The following KPNA7 variants were observed in gnomAD, a reference collection of about 807,000 sequenced individuals.
The protein encoded by KPNA7 is importin subunit alpha-8.
A neutral mutation model predicts 53.7 loss-of-function variants in KPNA7; 54 were observed. The ratio of observed to expected loss-of-function variants is 1.01; its 90% CI spans 0.81 to 1.26. KPNA7 has a LOEUF of 1.26. Ranked by LOEUF, KPNA7 falls within the 50% of genes most tolerant of loss-of-function variation. The pLI is 0.00. For missense variants in KPNA7, 640 were observed against 644.5 expected (o/e 0.99, Z 0.07); for synonymous variants, 276 against 259.3 (o/e 1.06, Z -0.62).
chr7:99,187,293 C>CA (rs926466449), intron 7 of KPNA7, among the ~76,000 whole-genome samples: 26 of 151,280 alleles, frequency 1.7e-4, no homozygotes, highest in African/African-American at 5.3e-4. Flanking sequence ...GTCTCACACA[C>CA]AAAAAAAATA....
chr7:99,161,185 G>T, the KPNA7 span, among the ~76,000 whole-genome samples: 1 of 149,530 alleles, frequency 6.7e-6, no homozygotes, highest in Non-Finnish European at 1.5e-5. Flanking sequence ...AAGGACCATG[G>T]CTTCTGTCTT....
upstream of KPNA7, among the ~76,000 whole-genome samples, chr7:99,208,704 T>C (rs1363075157): frequency 6.6e-6 from 1 of 152,136 alleles, no homozygotes; most frequent in Non-Finnish European, 1.5e-5. Context: ...GAAGTCAGCT[T>C]CTATAAGCAT....
At chr7:99,174,579 T>C (rs1798834062) in intron 10 of KPNA7, among the ~76,000 whole-genome samples, 1 of 152,168 alleles carries the variant, frequency 6.6e-6, no homozygotes, top group Non-Finnish European at 1.5e-5. Context: ...CATTCTACTT[T>C]GTCTCTACAG....
chr7:99,200,320 G>A (rs1032002106), intron 3 of KPNA7, among the ~76,000 whole-genome samples: 2 of 152,142 alleles, frequency 1.3e-5, no homozygotes, highest in African/African-American at 2.4e-5. Context: ...TTACAGGCAT[G>A]AGCCACCATG....
the KPNA7 span, among the ~76,000 whole-genome samples, chr7:99,160,110 C>T: frequency 5.5e-5 from 8 of 146,076 alleles, no homozygotes; most frequent in Non-Finnish European, 1.0e-4. Flanking sequence ...CTGCAAGCTC[C>T]GCCTCCCAGG....
chr7:99,217,759 T>C (rs1371226272), intron 1 of KPNA7, among the ~76,000 whole-genome samples: 1 of 148,876 alleles, frequency 6.7e-6, no homozygotes, highest in Non-Finnish European at 1.5e-5. Context: ...GCCTCCCAAA[T>C]AGCTGGGATT....
intron 8 of KPNA7, among the ~76,000 whole-genome samples, chr7:99,184,145 GC>G (rs1352259209): frequency 7.5e-6 from 1 of 133,352 alleles, no homozygotes; most frequent in Non-Finnish European, 1.5e-5. Context: ...CACTGTGCCT[GC>G]CCACAACCTT....
At chr7:99,183,703 T>TC (rs1789410801) in intron 8 of KPNA7, among the ~76,000 whole-genome samples, 1 of 151,910 alleles carries the variant, frequency 6.6e-6, no homozygotes, top group Admixed American at 6.6e-5. Flanking sequence ...TCCACCTGCC[T>TC]CCCCACCCCC....
chr7:99,210,096 T>A (rs1210170384), upstream of KPNA7, among the ~76,000 whole-genome samples: 1 of 152,180 alleles, frequency 6.6e-6, no homozygotes, highest in Non-Finnish European at 1.5e-5. Context: ...CCAATGAGTT[T>A]AGAAGAAAAT....
upstream of KPNA7, among the ~76,000 whole-genome samples, chr7:99,210,211 G>T (rs1229402044): frequency 6.6e-6 from 1 of 152,164 alleles, no homozygotes; most frequent in African/African-American, 2.4e-5. Context: ...CAGGTTCATT[G>T]TACTCGGGCC....
chr7:99,207,729 G>A (rs1203442737), intron 1 of KPNA7, among the ~76,000 whole-genome samples: 3 of 138,192 alleles, frequency 2.2e-5, no homozygotes, highest in African/African-American at 8.0e-5. Flanking sequence ...TCCGCCTCCC[G>A]GGTTCAAGTG....
chr7:99,203,123 T>A lies in KPNA7; in HGVS notation c.184A>T (p.Thr62Ser). 2 of 1,551,618 alleles carry A rather than the reference T, an allele frequency of 1.3e-6. No individual in the cohort carries two copies. Among genetic ancestry groups the A allele is most frequent in the East Asian group, 2.4e-5 (1 of 40,916 alleles). The change falls in exon 3 of 11, where the codon ACA (threonine) becomes TCA (serine). Residue 62 changes from threonine to serine, a missense_variant. Thr to Ser is a moderately conservative substitution (Grantham distance 58). Transcript: ENST00000327442. Reference sequence around the variant, plus strand: ...ATACTGACCGCCACCCCTTTGGCTGTTTTTTCAGAAGGTGTGTCAGGGCAG... The same window carrying A: ...ATACTGACCGCCACCCCTTTGGCTGATTTTTCAGAAGGTGTGTCAGGGCAG... ...SFCPDTPSEKTAKGVAVSLTL... is the reference protein window; with the variant it reads ...SFCPDTPSEKSAKGVAVSLTL...
chr7:99,176,323 AAG>A (rs1193754929), intron 10 of KPNA7, among the ~76,000 whole-genome samples: 2 of 150,362 alleles, frequency 1.3e-5, no homozygotes, highest in Non-Finnish European at 1.5e-5. Context: ...GAAAGAAAGA[AAG>A]AAAGAAAAGA....
chr7:99,202,286 A>C (rs1790576365), intron 3 of KPNA7, among the ~76,000 whole-genome samples: 1 of 152,090 alleles, frequency 6.6e-6, no homozygotes. Flanking sequence ...ATATAGAGAC[A>C]CCATTATTGA....
intron 2 of KPNA7, 30 bp from the exon 3 acceptor site, chr7:99,203,270 G>C (rs190371758): frequency 1.9e-4 from 291 of 1,544,672 alleles, no homozygotes; most frequent in Non-Finnish European, 2.0e-5. Context: ...GGAGCATTTA[G>C]AACCAGGAGT....
Position 99,181,973 on chromosome 7 carries a change from A to G in KPNA7, c.1227T>C (p.Ser409=). Reference sequence around the variant, plus strand: ...GATTCACCAGTGGCTCCAGGACCCCAGAGTGGACGAGCTGGATCAGCTGAT... The same window carrying G: ...GATTCACCAGTGGCTCCAGGACCCCGGAGTGGACGAGCTGGATCAGCTGAT... The part of the protein sequence containing the change: ...TMDQLIQLVH[S]GVLEPLVNLL... Residue 409 remains serine (S), a synonymous_variant, in exon 9 of 11, where the codon TCT becomes TCC. Transcript: ENST00000327442. 1.9e-6 allele frequency: 3 copies of G among 1,551,408 alleles called. No homozygotes were observed. Among genetic ancestry groups the G allele is most frequent in the Non-Finnish European group, 2.6e-6 (3 of 1,146,714 alleles).
chr7:99,149,031 G>A, the KPNA7 span, among the ~76,000 whole-genome samples: 1 of 151,746 alleles, frequency 6.6e-6, no homozygotes, highest in East Asian at 1.9e-4. Context: ...GAGTAGCTGG[G>A]ATTACAAGCG....
At chr7:99,214,731 G>A (rs1372985427) in intron 1 of KPNA7, among the ~76,000 whole-genome samples, 1 of 2,728 alleles carries the variant, frequency 3.7e-4, no homozygotes, top group African/African-American at 5.2e-4. Context: ...GGAGGTAGGG[G>A]AGGGGAGGGG....
intron 2 of KPNA7, among the ~76,000 whole-genome samples, chr7:99,205,512 G>T (rs562642577): frequency 6.6e-6 from 1 of 151,718 alleles, no homozygotes; most frequent in Non-Finnish European, 1.5e-5. Flanking sequence ...TCAGGCTTCT[G>T]GATTCCCAAG....
Sources: gnomAD v4.1 joint callset for allele counts (sites outside exome capture counted in the v4.1 genomes callset) on GRCh38, gnomAD v4.1.1 for gene constraint, MANE v1.5 for transcripts, NCBI Gene and HGNC (gene_info 2026-07-23, HGNC 2026-07-21) for gene names.